Variants in PHF11 observed in about 807,000 individuals in gnomAD.
PHF11 encodes the protein BRCA1 C-terminus-associated protein.
In PHF11, 38 loss-of-function variants were observed where a neutral mutation model predicts 40.5. That is an observed-to-expected ratio of 0.94 (90% confidence interval 0.72 to 1.23). PHF11 has a LOEUF of 1.23. PHF11 is among the 50% of genes most tolerant of loss of function. The pLI is 0.00. For missense variants in PHF11, 369 were observed against 392.4 expected (o/e 0.94, Z 0.50); for synonymous variants, 127 against 138.2 (o/e 0.92, Z 0.57).
At chr13:49,506,589 C>A in intron 1 of PHF11, 46 bp from the exon 2 acceptor site, 1 of 1,598,626 alleles carries the variant, frequency 6.3e-7, no homozygotes, top group African/African-American at 1.3e-5. Flanking sequence ...TTAGTGAGAC[C>A]AAGAAATTCC....
intron 1 of PHF11, among the ~76,000 whole-genome samples, chr13:49,496,830 CTT>C (rs34505707): frequency 2.7e-4 from 24 of 88,040 alleles, no homozygotes; most frequent in South Asian, 8.8e-4. Flanking sequence ...TGGGCTTACC[CTT>C]TTTTTTTTTT....
At chr13:49,503,126 T>C (rs898377022) in intron 1 of PHF11, among the ~76,000 whole-genome samples, 3 of 152,186 alleles carry the variant, frequency 2.0e-5, no homozygotes, top group African/African-American at 7.2e-5. Context: ...CCCAGCTTCC[T>C]GTGCAGCCTT....
chr13:49,501,160 T>A (rs1958903440), intron 1 of PHF11, among the ~76,000 whole-genome samples: 2 of 152,024 alleles, frequency 1.3e-5, no homozygotes, highest in African/African-American at 4.8e-5. Context: ...ATTACAGGCA[T>A]GCACCACCAC....
In PHF11 at chr13:49,504,858, T is replaced by C. The variant is rs533898555; in HGVS notation, c.95-1777T>C. On this transcript the variant is annotated intron_variant, in intron 1 of 9. Coordinates refer to ENST00000378319, the MANE Select transcript of PHF11 (RefSeq NM_001040443.3). ...AGTAGACATGGGAGACTTTTCATTT[T>C]GTTCTGTACTAAGAAAAATTCTTCT... 2.1e-3 allele frequency among the ~76,000 whole-genome samples: 314 copies of C among 151,052 alleles called. 3 individuals carry two copies. Among genetic ancestry groups the C allele is most frequent in the Middle Eastern group, 6.8e-3 (2 of 294 alleles).
chr13:49,507,730 A>G (rs984672397), intron 2 of PHF11, among the ~76,000 whole-genome samples: 1 of 152,248 alleles, frequency 6.6e-6, no homozygotes, highest in African/African-American at 2.4e-5. Flanking sequence ...AAAGTCTTGA[A>G]TATCTCATAA....
chr13:49,527,623 G>C (rs1594227990), intron 9 of PHF11, among the ~76,000 whole-genome samples: 1 of 152,240 alleles, frequency 6.6e-6, no homozygotes, highest in South Asian at 2.1e-4. Flanking sequence ...ATATATAGCA[G>C]TATCCATATT....
At chr13:49,504,681 C>T (rs953918983) in intron 1 of PHF11, among the ~76,000 whole-genome samples, 7 of 151,702 alleles carry the variant, frequency 4.6e-5, no homozygotes, top group African/African-American at 1.7e-4. Context: ...GTGAGGAGCC[C>T]CTCTGCCCGG....
chr13:49,503,985 A>G (rs1272825846), intron 1 of PHF11, among the ~76,000 whole-genome samples: 1 of 151,704 alleles, frequency 6.6e-6, no homozygotes, highest in Non-Finnish European at 1.5e-5. Context: ...CAGCCTCCCG[A>G]AGTTCTGGGA....
rs1958797752 is a variant in PHF11, at chr13:49,496,032, A to C, written c.31A>C (p.Arg11=). MAQASPPRPE[R]VLGASSPEAR... is the part of the protein sequence containing the mutation. ...CCAGGCGTCGCCGCCCCGGCCCGAGAGGGTGCTCGGCGCCAGCAGCCCGGA... is the reference window on the plus strand; with the variant it reads ...CCAGGCGTCGCCGCCCCGGCCCGAGCGGGTGCTCGGCGCCAGCAGCCCGGA... Residue 11 remains arginine (R), a synonymous_variant, in exon 1 of 10, where the codon AGG becomes CGG. Coordinates refer to ENST00000378319, the MANE Select transcript of PHF11 (RefSeq NM_001040443.3). The C allele has an allele frequency of 6.9e-7, 1 of 1,451,184 alleles. No homozygotes were observed. The highest frequency in any genetic ancestry group is 9.1e-7 in the Non-Finnish European group (1 of 1,104,322). The allele number at this position is 1,451,184 out of a possible 1,614,324, so 89.9% of individuals were successfully genotyped here. A position where few individuals can be genotyped will look rare whatever the true frequency, so the allele number is the denominator to read the frequency against.
At chr13:49,522,550 C>G (rs1006113500) in intron 6 of PHF11, among the ~76,000 whole-genome samples, 1 of 99,514 alleles carries the variant, frequency 1.0e-5, no homozygotes, top group African/African-American at 5.0e-5. Flanking sequence ...ATCTGTAGCT[C>G]TTATAAATTT....
At chr13:49,496,203 T>A in intron 1 of PHF11, 108 bp downstream of exon 1, 1 of 709,942 alleles carries the variant, frequency 1.4e-6, no homozygotes. Context: ...GACCTGCCCC[T>A]ACTCCGGGCC....
chr13:49,523,034 A>G (rs1356720021), intron 6 of PHF11, 141 bp from the exon 7 acceptor site: 1 of 688,798 alleles, frequency 1.5e-6, no homozygotes, highest in Non-Finnish European at 2.6e-6. Context: ...AAGTGCTGAG[A>G]TTACAGGCGT....
At chr13:49,501,833 G>A (rs1566185827) in intron 1 of PHF11, among the ~76,000 whole-genome samples, 1 of 152,064 alleles carries the variant, frequency 6.6e-6, no homozygotes, top group African/African-American at 2.4e-5. Context: ...TGGGATTATA[G>A]GTGTCCGCCA....
At position 49,520,927 on chromosome 13, in the gene PHF11, C is replaced by G; in HGVS notation, c.492C>G (p.Ile164Met). 1 of 1,582,474 alleles carries G rather than the reference C, an allele frequency of 6.3e-7. No individual in the cohort carries two copies. Among genetic ancestry groups the G allele is most frequent in the Admixed American group, 1.7e-5 (1 of 58,546 alleles). ...LLCQQHAQFP[I>M]IAQSAKFSGV... ...GCCAGCAACATGCTCAATTCCCGAT[C>G]ATCGCTCAAAGTGGTAAGTTTCTAA... is the stretch of plus-strand genomic sequence containing the variant. The change falls in exon 5 of 10, where the codon ATC (isoleucine) becomes ATG (methionine). Residue 164 changes from isoleucine to methionine, a missense_variant. Physicochemically the swap from Ile to Met is conservative, Grantham distance 10. Transcript: ENST00000378319.
At chr13:49,526,504 TTTATCA>T in intron 9 of PHF11, 46 bp downstream of exon 9, 35 of 252,562 alleles carry the variant, frequency 1.4e-4, no homozygotes, top group Non-Finnish European at 2.6e-4. Context: ...TTGAGAAATA[TTTATCA>T]CGATATTGAA....
At chr13:49,517,869 CTAA>C (rs1959168951) in intron 3 of PHF11, 146 bp from the exon 4 acceptor site, 1 of 569,658 alleles carries the variant, frequency 1.8e-6, no homozygotes, top group Non-Finnish European at 3.1e-6. Flanking sequence ...GTACTGTACC[CTAA>C]TGTTTGTAAC....
chr13:49,526,425 T>G lies in PHF11; in HGVS notation c.808T>G (p.Leu270Val), dbSNP rs748175921. The change falls in exon 9 of 10, where the codon TTG becomes GTG. Residue 270 changes from leucine to valine, a missense_variant. By Grantham distance (32) the Leu-to-Val change is conservative (BLOSUM62 1). Transcript: ENST00000378319. The part of the protein sequence containing the change: ...EIGSALFDCR[L>V]FEDTFVNFQA... The stretch of plus-strand genomic sequence containing the variant: ...CGGGAGTGCACTTTTTGACTGTAGA[T>G]TGTTCGAAGACACATTTGTAAATTT... 19 of 1,609,858 alleles carry G rather than the reference T, an allele frequency of 1.2e-5. No individual in the cohort carries two copies. The highest frequency in any genetic ancestry group is 1.6e-5 in the Non-Finnish European group (19 of 1,176,270).
chr13:49,527,243 G>A (rs1305306091), intron 9 of PHF11: 2 of 152,118 alleles, frequency 1.3e-5, no homozygotes, highest in African/African-American at 4.8e-5. Flanking sequence ...ACCTCCACTT[G>A]TTTATGAGTC....
chr13:49,496,091 C>A lies in PHF11; in HGVS notation c.90C>A (p.Pro30=). 9.8e-7 allele frequency: 1 copy of A among 1,015,628 alleles called. No homozygotes were observed. The highest frequency in any genetic ancestry group is 1.3e-6 in the Non-Finnish European group (1 of 760,906). 62.9% of individuals were successfully genotyped at this position (1,015,628 alleles called of 1,614,324 possible). A position where few individuals can be genotyped will look rare whatever the true frequency, so the allele number is the denominator to read the frequency against. The change falls in exon 1 of 10, where the codon CCC becomes CCA. Residue 30 remains proline, a synonymous_variant. Transcript: ENST00000378319. ...ARPAQEALLL[P]TGVFQVAEKM... is the part of the protein sequence containing the mutation. Reference sequence around the variant, plus strand: ...CCGCGCAGGAGGCGCTCCTCCTTCCCACCGGTGTGTACCGCGGGGGCGGGC... The same window carrying A: ...CCGCGCAGGAGGCGCTCCTCCTTCCAACCGGTGTGTACCGCGGGGGCGGGC...
Sources: gnomAD v4.1 joint callset for allele counts (sites outside exome capture counted in the v4.1 genomes callset) on GRCh38, gnomAD v4.1.1 for gene constraint, MANE v1.5 for transcripts, NCBI Gene and HGNC (gene_info 2026-07-23, HGNC 2026-07-21) for gene names.